The following ATN1 variants were observed in gnomAD, a reference collection of about 807,000 sequenced individuals.
ATN1 encodes the protein atrophin 1.
ATN1 carries 19 observed loss-of-function variants against 85.8 expected under a neutral mutation model. The observed-to-expected ratio is 0.22, with a 90% CI of 0.15 to 0.32. ATN1 has a LOEUF of 0.32. Among genes scored for constraint, ATN1 ranks in the 10% least tolerant of loss-of-function variants. The pLI is 1.00. For synonymous variants in ATN1, 674 were observed against 657.0 expected (o/e 1.03, Z -0.39); for missense variants, 1,453 against 1,564.5 (o/e 0.93, Z 1.20).
At position 6,935,398 on chromosome 12, in the gene ATN1, G is replaced by T. The variant is rs987406177; in HGVS notation, c.280-149G>T. 8.5e-5 allele frequency: 73 copies of T among 856,022 alleles called. No homozygotes were observed. Among genetic ancestry groups the T allele is most frequent in the Non-Finnish European group, 1.1e-4 (66 of 576,496 alleles). 53.0% of individuals were successfully genotyped at this position (856,022 alleles called of 1,614,324 possible). ...ATGTGAGGAAAGTGAGAAATCCCCAGATGGTAAGAGGTGGGCTTGAGCAAG... is the reference window on the plus strand; with the variant it reads ...ATGTGAGGAAAGTGAGAAATCCCCATATGGTAAGAGGTGGGCTTGAGCAAG... On this transcript the variant is annotated intron_variant, in intron 4 of 9. Transcript: ENST00000396684. The surrounding 1 kb of genome is among the most constrained non-coding windows in gnomAD (Gnocchi z 5.3).
At position 6,936,635 on chromosome 12, in the gene ATN1, T is replaced by C. The variant is rs782420180; in HGVS notation, c.1368T>C (p.Asn456=). The C allele has an allele frequency of 1.2e-6, 2 of 1,612,898 alleles. No homozygotes were observed. Among genetic ancestry groups the C allele is most frequent in the Admixed American group, 3.3e-5 (2 of 59,912 alleles). The change falls in exon 5 of 10, where the codon AAT becomes AAC. Residue 456 remains asparagine, a synonymous_variant. Transcript: ENST00000396684. ...ATGGCCGCCTCTTAGCCAACAGCAA[T>C]GCCCATCCAGGCCCCTTCCCTCCCT... ...PPYGRLLANS[N]AHPGPFPPST... is the part of the protein sequence containing the mutation.
rs782082291 is a variant in ATN1, at chr12:6,934,452, TTCTC to T, written c.166-9_166-6del. On this transcript the variant is annotated splice_polypyrimidine_tract_variant and intron_variant, in intron 3 of 9. Coordinates refer to ENST00000396684, the MANE Select transcript of ATN1 (RefSeq NM_001940.4). This position sits in a 1 kb window ranked among gnomAD's most constrained non-coding sequence, Gnocchi z 4.5. ...TAGGGAAAAGACAGGAATTTTCTCT[TTCTC>T]TCTAACAGAAGGCCCGAGTAGAGGA... 3.6e-5 allele frequency: 58 copies of T among 1,595,162 alleles called. No homozygotes were observed. Among genetic ancestry groups the T allele is most frequent in the South Asian group, 7.9e-5 (7 of 88,920 alleles).
At position 6,933,899 on chromosome 12, in the gene ATN1, C is replaced by T; in HGVS notation, c.-103C>T. 15 of 1,434,762 alleles carry T rather than the reference C, an allele frequency of 1.0e-5. No individual in the cohort carries two copies. Among genetic ancestry groups the T allele is most frequent in the Non-Finnish European group, 1.3e-5 (14 of 1,048,958 alleles). The allele number at this position is 1,434,762 out of a possible 1,614,324, so 88.9% of individuals were successfully genotyped here. On this transcript the variant is annotated 5_prime_UTR_variant, in exon 2 of 10. Coordinates refer to ENST00000396684, the MANE Select transcript of ATN1 (RefSeq NM_001940.4). ...GTGCCCACACTGGAAACTTGGAGAT[C>T]CTGCTTCCCAGACCACAGCTGTGGG...
At chr12:6,932,657 G>A (rs1309948512) in intron 1 of ATN1, among the ~76,000 whole-genome samples, 1 of 152,230 alleles carries the variant, frequency 6.6e-6, no homozygotes, top group Non-Finnish European at 1.5e-5. Context: ...TGGTACATCT[G>A]TGTTGTTTGC....
chr12:6,936,346 C>G lies in ATN1; in HGVS notation c.1079C>G (p.Pro360Arg). 1 of 1,614,010 alleles carries G rather than the reference C, an allele frequency of 6.2e-7. No individual in the cohort carries two copies. The highest frequency in any genetic ancestry group is 8.5e-7 in the Non-Finnish European group (1 of 1,179,950). Residue 360 changes from proline (P) to arginine (R), a missense_variant, in exon 5 of 10, where the codon CCT (proline) becomes CGT (arginine). This residue lies in a region of ATN1 where 990 missense variants were observed against 914.8 expected (regional missense o/e 1.08). Coordinates refer to ENST00000396684, the MANE Select transcript of ATN1 (RefSeq NM_001940.4). ...PTLAPSPHSL[P>R]PASSSAPAPP... ...CTGGCTCCTTCACCCCACTCTCTGC[C>G]TCCTGCTTCCTCTTCTGCTCCAGCG...
chr12:6,937,591 C>T lies in ATN1; in HGVS notation c.2294+30C>T. On this transcript the variant is annotated intron_variant, in intron 5 of 9. Coordinates refer to ENST00000396684, the MANE Select transcript of ATN1 (RefSeq NM_001940.4). The surrounding 1 kb of genome is among the most constrained non-coding windows in gnomAD (Gnocchi z 6.0). ...GCGGCCAGGTGGGGCGGAGGTGGGC[C>T]TGGAAAGGGGACGACGACAAGGCGG... 6.8e-7 allele frequency: 1 copy of T among 1,467,650 alleles called. No homozygotes were observed. 90.9% of individuals were successfully genotyped at this position (1,467,650 alleles called of 1,614,324 possible).
At chr12:6,927,848 C>A (rs1481650008), upstream of ATN1, among the ~76,000 whole-genome samples, 1 of 151,842 alleles carries the variant, frequency 6.6e-6, no homozygotes, top group Non-Finnish European at 1.5e-5. Context: ...CGTCCGCAGC[C>A]CCGCGCCGGG....
chr12:6,937,700 A>C lies in ATN1; in HGVS notation c.2294+139A>C. ...ACGCCCCTCTCCTCCGTCCAGGCCT[A>C]GTGGCCAGTGAGGCCCGCAGCAGCT... On this transcript the variant is annotated intron_variant, in intron 5 of 9. Coordinates refer to ENST00000396684, the MANE Select transcript of ATN1 (RefSeq NM_001940.4). This position sits in a 1 kb window ranked among gnomAD's most constrained non-coding sequence, Gnocchi z 6.0. 1 of 1,436,532 alleles carries C rather than the reference A, an allele frequency of 7.0e-7. No homozygotes were observed. Among genetic ancestry groups the C allele is most frequent in the South Asian group, 1.5e-5 (1 of 68,052 alleles). The allele number at this position is 1,436,532 out of a possible 1,614,324, so 89.0% of individuals were successfully genotyped here.
At position 6,936,172 on chromosome 12, in the gene ATN1, C is replaced by A; in HGVS notation, c.905C>A (p.Pro302His). ...ANFPHVTPNL[P>H]PPPALRPLNN... ...TTCCCCCATGTGACACCGAACCTGCCTCCCCCACCTGCCCTGAGACCCCTC... is the reference window on the plus strand; with the variant it reads ...TTCCCCCATGTGACACCGAACCTGCATCCCCCACCTGCCCTGAGACCCCTC... The change falls in exon 5 of 10, where the codon CCT becomes CAT. Residue 302 changes from proline to histidine, a missense_variant. By Grantham distance (77) the Pro-to-His change is moderately conservative (BLOSUM62 -2). Transcript: ENST00000396684. 6.5e-7 allele frequency: 1 copy of A among 1,543,844 alleles called. No individual in the cohort carries two copies. The highest frequency in any genetic ancestry group is 8.7e-7 in the Non-Finnish European group (1 of 1,145,272).
At chr12:6,933,203 C>T (rs1555143210) in intron 1 of ATN1, among the ~76,000 whole-genome samples, 1 of 151,658 alleles carries the variant, frequency 6.6e-6, no homozygotes, top group African/African-American at 2.4e-5. Flanking sequence ...ATTCATACTT[C>T]AATGTCATTT....
chr12:6,939,236 G>T, intron 7 of ATN1, 59 bp downstream of exon 7: 1 of 1,512,864 alleles, frequency 6.6e-7, no homozygotes. Context: ...TATCATGACT[G>T]GGCTCTTTCA....
chr12:6,939,647 G>T (rs1040553963), intron 7 of ATN1, among the ~76,000 whole-genome samples: 4 of 152,108 alleles, frequency 2.6e-5, no homozygotes, highest in Non-Finnish European at 5.9e-5. Flanking sequence ...GATTACAGGC[G>T]TGTGTCACCA....
chr12:6,941,424 G>A lies in ATN1; in HGVS notation c.3409G>A (p.Ala1137Thr). Reference protein sequence around the residue: ...PASLSAPMSAAHQLQAMHAQS... With the variant: ...PASLSAPMSATHQLQAMHAQS... ...CTCCCTTTCTGCCCCGATGTCAGCA[G>A]CTCATCAGCTGCAGGCCATGCACGC... The change falls in exon 9 of 10, where the codon GCT (alanine) becomes ACT (threonine). Residue 1137 changes from alanine to threonine, a missense_variant. Around this residue, in one of 6 missense-constraint regions of ATN1, gnomAD observed 118 missense variants for 163.7 expected, o/e 0.72. Coordinates refer to ENST00000396684, the MANE Select transcript of ATN1 (RefSeq NM_001940.4). The surrounding 1 kb of genome is among the most constrained non-coding windows in gnomAD (Gnocchi z 5.9). The A allele has an allele frequency of 6.2e-7, 1 of 1,610,198 alleles. No homozygotes were observed. The highest frequency in any genetic ancestry group is 2.2e-5 in the East Asian group (1 of 44,812).
Position 6,935,004 on chromosome 12 carries a change from C to T in ATN1, c.279+426C>T, listed in dbSNP as rs1407795083. Among the ~76,000 whole-genome samples the T allele has an allele frequency of 2.6e-5, 4 of 152,172 alleles. No homozygotes were observed. Among genetic ancestry groups the T allele is most frequent in the Non-Finnish European group, 5.9e-5 (4 of 68,042 alleles). On this transcript the variant is annotated intron_variant, in intron 4 of 9. Coordinates refer to ENST00000396684, the MANE Select transcript of ATN1 (RefSeq NM_001940.4). This position sits in a 1 kb window ranked among gnomAD's most constrained non-coding sequence, Gnocchi z 5.3. ...CTCCTGGGTTCAAACAATTGTGCCT[C>T]AGCCTCCCGAGTGGCTGGGATTATA...
upstream of ATN1, among the ~76,000 whole-genome samples, chr12:6,925,381 G>C (rs1945389979): frequency 6.6e-6 from 1 of 152,146 alleles, no homozygotes; most frequent in African/African-American, 2.4e-5. Context: ...GGCCCAGTGG[G>C]AGACTGAACT....
Position 6,940,915 on chromosome 12 carries a change from G to A in ATN1, c.3250G>A (p.Ala1084Thr), listed in dbSNP as rs782340570. ...GGTGCACCCTCTCATTGACCCCCTGGCCTCAGGGTCTCACCTTACCCGGAT... is the reference window on the plus strand; with the variant it reads ...GGTGCACCCTCTCATTGACCCCCTGACCTCAGGGTCTCACCTTACCCGGAT... ...ASVHPLIDPLASGSHLTRIPY... is the reference protein window; with the variant it reads ...ASVHPLIDPLTSGSHLTRIPY... The change falls in exon 8 of 10, where the codon GCC (alanine) becomes ACC (threonine). Residue 1084 changes from alanine (A) to threonine (T), a missense_variant. Ala to Thr is a moderately conservative substitution (Grantham distance 58). Around this residue, in one of 6 missense-constraint regions of ATN1, gnomAD observed 118 missense variants for 163.7 expected, o/e 0.72. Coordinates refer to ENST00000396684, the MANE Select transcript of ATN1 (RefSeq NM_001940.4). 9 of 1,614,044 alleles carry A rather than the reference G, an allele frequency of 5.6e-6. No homozygotes were observed. The East Asian group carries it at 1.8e-4, about 32-fold the overall frequency.
intron 7 of ATN1, among the ~76,000 whole-genome samples, chr12:6,939,869 C>A (rs753332996): frequency 4.5e-4 from 68 of 152,242 alleles, no homozygotes; most frequent in Non-Finnish European, 8.7e-4. Context: ...TCTTCTCCCT[C>A]TGCGAGGTCT....
Position 6,934,513 on chromosome 12 carries a change from C to G in ATN1, c.214C>G (p.Arg72Gly). Residue 72 changes from arginine (R) to glycine (G), a missense_variant, in exon 4 of 10, where the codon CGG becomes GGG. Physicochemically the swap from Arg to Gly is moderately radical, Grantham distance 125. Around this residue, in one of 6 missense-constraint regions of ATN1, gnomAD observed 130 missense variants for 158.2 expected, o/e 0.82. Transcript: ENST00000396684. The surrounding 1 kb of genome is among the most constrained non-coding windows in gnomAD (Gnocchi z 4.5). Reference protein sequence around the residue: ...ASTPKVNKQGRSEEISESESE... With the variant: ...ASTPKVNKQGGSEEISESESE... ...CACCCCAAAGGTCAACAAGCAGGGTCGGAGTGAGGAGATCTCAGAGAGTGA... is the reference window on the plus strand; with the variant it reads ...CACCCCAAAGGTCAACAAGCAGGGTGGGAGTGAGGAGATCTCAGAGAGTGA... 6.3e-7 allele frequency: 1 copy of G among 1,587,906 alleles called. No individual in the cohort carries two copies. The highest frequency in any genetic ancestry group is 8.6e-7 in the Non-Finnish European group (1 of 1,166,618).
Position 6,934,095 on chromosome 12 carries a change from G to A in ATN1, c.27+67G>A, listed in dbSNP as rs1260169089. 1.2e-6 allele frequency: 2 copies of A among 1,613,012 alleles called. No homozygotes were observed. The highest frequency in any genetic ancestry group is 1.3e-5 in the African/African-American group (1 of 74,904). ...GGCAAGCTAGGAGGAAGGGTCTAGA[G>A]AAGAAGAACAAATAATGTGCACCAT... On this transcript the variant is annotated intron_variant, in intron 2 of 9. Coordinates refer to ENST00000396684, the MANE Select transcript of ATN1 (RefSeq NM_001940.4). This position sits in a 1 kb window ranked among gnomAD's most constrained non-coding sequence, Gnocchi z 4.5.
Sources: allele counts gnomAD v4.1 joint callset (sites outside exome capture counted in the v4.1 genomes callset), GRCh38; gene constraint gnomAD v4.1.1; regional missense constraint gnomAD v4.1.1; non-coding constraint Gnocchi (gnomAD v3.1); transcripts MANE v1.5; gene names NCBI Gene and HGNC (gene_info 2026-07-23, HGNC 2026-07-21).